SUPT3H: variants seen among roughly 807,000 people sequenced by gnomAD.
SUPT3H encodes the protein transcription initiation protein SPT3 homolog.
A neutral mutation model predicts 44.3 loss-of-function variants in SUPT3H; 44 were observed. The ratio of observed to expected loss-of-function variants is 0.99; its 90% CI spans 0.78 to 1.28. The LOEUF is 1.28. Among genes scored for constraint, SUPT3H ranks in the 50% most tolerant of loss-of-function variants. The pLI, the probability that SUPT3H is intolerant of heterozygous loss-of-function variation, is 0.00. For missense variants in SUPT3H, 380 were observed against 387.1 expected (o/e 0.98, Z 0.15); for synonymous variants, 124 against 125.6 (o/e 0.99, Z 0.09).
chr6:44,966,778 G>A (rs1435993946), intron 6 of SUPT3H, among the ~76,000 whole-genome samples: 3 of 152,102 alleles, frequency 2.0e-5, no homozygotes, highest in Non-Finnish European at 4.4e-5. Flanking sequence ...TAACAAAAAA[G>A]ACATCATATC....
chr6:45,188,796 C>T (rs776072642), intron 2 of SUPT3H, among the ~76,000 whole-genome samples: 6 of 151,534 alleles, frequency 4.0e-5, no homozygotes, highest in Non-Finnish European at 7.4e-5. Flanking sequence ...TCATTGTGTA[C>T]CTCAGCACTT....
chr6:45,111,081 G>A (rs1799985421), intron 2 of SUPT3H, among the ~76,000 whole-genome samples: 1 of 148,940 alleles, frequency 6.7e-6, no homozygotes, highest in South Asian at 2.1e-4. Flanking sequence ...CACCCAGGCT[G>A]GAGTGCAGTG....
intron 2 of SUPT3H, among the ~76,000 whole-genome samples, chr6:45,135,315 G>A (rs1322984144): frequency 6.6e-6 from 1 of 152,116 alleles, no homozygotes; most frequent in African/African-American, 2.4e-5. Context: ...TTAGCAAACA[G>A]TTGCTTGGAC....
chr6:45,257,837 T>C (rs748970232), intron 2 of SUPT3H, among the ~76,000 whole-genome samples: 12 of 152,212 alleles, frequency 7.9e-5, no homozygotes, highest in African/African-American at 1.9e-4. Flanking sequence ...CTGGAGGCGA[T>C]TGTGGCTGCA....
chr6:45,236,429 T>C lies in SUPT3H; in HGVS notation c.101+128772A>G, dbSNP rs549825635. Among the ~76,000 whole-genome samples, 19 of 152,276 alleles carry C rather than the reference T, an allele frequency of 1.2e-4. No individual in the cohort carries two copies. In the Middle Eastern group the frequency reaches 0.01, roughly 82 times the overall value. On this transcript the variant is annotated intron_variant, in intron 2 of 10. Transcript: ENST00000371459. Reference sequence around the variant, plus strand: ...TGGTTAGTTCCATCTTGGAACCTTTTCACACTGATGATGAGGAGGAAGGAG... The same window carrying C: ...TGGTTAGTTCCATCTTGGAACCTTTCCACACTGATGATGAGGAGGAAGGAG...
intron 3 of SUPT3H, among the ~76,000 whole-genome samples, chr6:45,089,146 C>T (rs573901367): frequency 4.8e-4 from 73 of 151,930 alleles, no homozygotes; most frequent in Non-Finnish European, 9.0e-4. Flanking sequence ...CCAAGAGTAG[C>T]CTATAACATT....
intron 10 of SUPT3H, among the ~76,000 whole-genome samples, chr6:44,892,941 C>T (rs1561981944): frequency 1.3e-5 from 2 of 151,408 alleles, no homozygotes; most frequent in Non-Finnish European, 1.5e-5. Flanking sequence ...GTACTTTACT[C>T]TTTTTTTTTA....
chr6:45,375,843 T>C (rs1582027775), intron 1 of SUPT3H, among the ~76,000 whole-genome samples: 2 of 151,266 alleles, frequency 1.3e-5, no homozygotes, highest in African/African-American at 4.8e-5. Context: ...AAAAAACAGA[T>C]GCACATATTT....
At chr6:45,104,796 G>C (rs1799054486) in intron 3 of SUPT3H, among the ~76,000 whole-genome samples, 1 of 151,974 alleles carries the variant, frequency 6.6e-6, no homozygotes, top group African/African-American at 2.4e-5. Context: ...TCAAACAAAT[G>C]TAGATATCCC....
chr6:44,813,898 T>C (rs191671329), intron 11 of SUPT3H, among the ~76,000 whole-genome samples: 1 of 151,864 alleles, frequency 6.6e-6, no homozygotes, highest in East Asian at 1.9e-4. Flanking sequence ...CTAATTGAAA[T>C]CCTAGAAGAC....
intron 3 of SUPT3H, among the ~76,000 whole-genome samples, chr6:45,085,438 C>CT (rs1056594105): frequency 3.6e-4 from 55 of 152,044 alleles, no homozygotes; most frequent in African/African-American, 1.2e-3. Flanking sequence ...TTTGTTTCTC[C>CT]TTTTTTTACA....
intron 2 of SUPT3H, among the ~76,000 whole-genome samples, chr6:45,361,971 A>G (rs1794339116): frequency 6.6e-6 from 1 of 152,190 alleles, no homozygotes; most frequent in South Asian, 2.1e-4. Context: ...AAATCACTTG[A>G]GGCCGGGAGG....
chr6:45,360,114 T>C (rs1472780924), intron 2 of SUPT3H, among the ~76,000 whole-genome samples: 1 of 152,224 alleles, frequency 6.6e-6, no homozygotes, highest in African/African-American at 2.4e-5. Context: ...CTGAAATTAG[T>C]TTAGCATAAG....
chr6:45,218,816 A>T (rs1308875576), intron 2 of SUPT3H, among the ~76,000 whole-genome samples: 2 of 152,156 alleles, frequency 1.3e-5, no homozygotes, highest in African/African-American at 4.8e-5. Context: ...AAAACATACA[A>T]ATACTACACC....
intron 3 of SUPT3H, among the ~76,000 whole-genome samples, chr6:45,050,278 A>AGAGTGTGTGTGTGTGTGTGTGT (rs1554221019): frequency 1.4e-5 from 2 of 147,318 alleles, no homozygotes; most frequent in Non-Finnish European, 1.5e-5. Flanking sequence ...CTTTTTCTGC[A>AGAGTGTGTGTGTGTGTGTGTGT]GTGTGTGTGT....
chr6:45,279,132 A>G (rs373855186), intron 2 of SUPT3H, among the ~76,000 whole-genome samples: 3 of 152,228 alleles, frequency 2.0e-5, no homozygotes, highest in Admixed American at 6.5e-5. Flanking sequence ...AACTTTTATT[A>G]TTTAAAAGTT....
chr6:44,809,942 C>T (rs1265593641), intron 11 of SUPT3H, among the ~76,000 whole-genome samples: 2 of 152,142 alleles, frequency 1.3e-5, no homozygotes, highest in Non-Finnish European at 2.9e-5. Flanking sequence ...GCAAGAGTTA[C>T]GAATAGATAT....
intron 3 of SUPT3H, among the ~76,000 whole-genome samples, chr6:45,062,623 G>A (rs1792327757): frequency 6.6e-6 from 1 of 152,226 alleles, no homozygotes; most frequent in African/African-American, 2.4e-5. Flanking sequence ...GCAAGCCGAA[G>A]CAGGGCGAGG....
rs1257339423 is a variant in SUPT3H, at chr6:44,918,793, T to C, written c.912+13860A>G. On this transcript the variant is annotated intron_variant, in intron 10 of 10. Coordinates refer to ENST00000371459, the MANE Select transcript of SUPT3H (RefSeq NM_003599.4). Reference sequence around the variant, plus strand: ...AGGCAGAAGTACACAAAAGGGGGTCTGGTGCTAACGAAATCCACAGATAGC... The same window carrying C: ...AGGCAGAAGTACACAAAAGGGGGTCCGGTGCTAACGAAATCCACAGATAGC... Among the ~76,000 whole-genome samples, 3 of 152,192 alleles carry C rather than the reference T, an allele frequency of 2.0e-5. No individual in the cohort carries two copies. In the East Asian group the frequency reaches 5.8e-4, roughly 29 times the overall value.
Sources: allele counts gnomAD v4.1 joint callset (sites outside exome capture counted in the v4.1 genomes callset), GRCh38; gene constraint gnomAD v4.1.1; transcripts MANE v1.5; gene names NCBI Gene and HGNC (gene_info 2026-07-23, HGNC 2026-07-21).